EPHB1: variants seen among roughly 807,000 people sequenced by gnomAD.
EPHB1 encodes EPH receptor B1.
In EPHB1, 30 loss-of-function variants were observed where a neutral mutation model predicts 94.4. The ratio of observed to expected loss-of-function variants is 0.32; its 90% confidence interval spans 0.24 to 0.43. The LOEUF (loss-of-function observed/expected upper bound fraction) is 0.43, where lower values mean the gene tolerates loss of function less well. Ranked by LOEUF, EPHB1 falls within the 20% of genes least tolerant of loss-of-function variation. The pLI is 1.00. For synonymous variants in EPHB1, 522 were observed against 489.1 expected (o/e 1.07, Z -0.89); for missense variants, 1,055 against 1,308.3 (o/e 0.81, Z 2.99).
intron 3 of EPHB1, among the ~76,000 whole-genome samples, chr3:135,078,421 A>G (rs1414082412): frequency 2.0e-5 from 3 of 152,206 alleles, no homozygotes; most frequent in African/African-American, 7.2e-5. Context: ...AAGAAAGACC[A>G]GCTGCATACC....
intron 3 of EPHB1, among the ~76,000 whole-genome samples, chr3:134,996,686 T>C (rs1339726429): frequency 6.6e-6 from 1 of 152,160 alleles, no homozygotes; most frequent in Non-Finnish European, 1.5e-5. Context: ...ATTCTTTTGA[T>C]TATTTGTTAG....
chr3:135,128,068 G>T (rs541303908), intron 4 of EPHB1, among the ~76,000 whole-genome samples: 1 of 152,170 alleles, frequency 6.6e-6, no homozygotes, highest in Non-Finnish European at 1.5e-5. Context: ...GCTTCAAAAA[G>T]CCTGTCTGTA....
intron 10 of EPHB1, among the ~76,000 whole-genome samples, chr3:135,182,120 C>G (rs1455464942): frequency 1.3e-5 from 2 of 152,172 alleles, no homozygotes; most frequent in African/African-American, 4.8e-5. Flanking sequence ...CAATTTTTCT[C>G]CAGGTCCTTT....
intron 13 of EPHB1, among the ~76,000 whole-genome samples, chr3:135,243,966 C>T (rs1943856949): frequency 6.6e-6 from 1 of 152,126 alleles, no homozygotes; most frequent in South Asian, 2.1e-4. Flanking sequence ...CCTCCACTTC[C>T]CTCTCCCCAG....
chr3:134,857,583 C>T (rs2108302366), intron 1 of EPHB1, among the ~76,000 whole-genome samples: 1 of 152,082 alleles, frequency 6.6e-6, no homozygotes, highest in South Asian at 2.1e-4. Flanking sequence ...CTGGTGGGTA[C>T]TGTGGTTGAT....
At chr3:135,048,078 G>A (rs1001103132) in intron 3 of EPHB1, among the ~76,000 whole-genome samples, 1 of 152,020 alleles carries the variant, frequency 6.6e-6, no homozygotes, top group Non-Finnish European at 1.5e-5. Context: ...TGGAGTGATG[G>A]CTCAAAAAGG....
At chr3:134,810,791 G>A (rs894029804) in intron 1 of EPHB1, among the ~76,000 whole-genome samples, 1 of 152,162 alleles carries the variant, frequency 6.6e-6, no homozygotes, top group Non-Finnish European at 1.5e-5. Flanking sequence ...GGAGCAAAGG[G>A]TGGGAGTCTT....
intron 3 of EPHB1, among the ~76,000 whole-genome samples, chr3:135,063,703 C>A (rs1020828872): frequency 6.6e-6 from 1 of 152,160 alleles, no homozygotes; most frequent in Non-Finnish European, 1.5e-5. Flanking sequence ...TCTGATTGCT[C>A]TGGCTAGAAC....
rs555785686 is a variant in EPHB1, at chr3:134,922,365, T to G, written c.59-3451T>G. On this transcript the variant is annotated intron_variant, in intron 1 of 15. Coordinates refer to ENST00000398015, the MANE Select transcript of EPHB1 (RefSeq NM_004441.5). ...AGAAAAGAAACTGCCCTTCATCATA[T>G]GGAGTGGATGGTTTATGGTTTTGTG... Among the ~76,000 whole-genome samples, 91 of 152,310 alleles carry G rather than the reference T, an allele frequency of 6.0e-4. No individual in the cohort carries two copies. The South Asian group carries it at 9.5e-3, about 16-fold the overall frequency.
At chr3:134,878,200 T>C (rs897663532) in intron 1 of EPHB1, among the ~76,000 whole-genome samples, 1 of 152,244 alleles carries the variant, frequency 6.6e-6, no homozygotes, top group Non-Finnish European at 1.5e-5. Flanking sequence ...TTGTATGTTA[T>C]GAATTAAGAA....
intron 3 of EPHB1, among the ~76,000 whole-genome samples, chr3:135,085,823 C>T (rs1012202885): frequency 1.3e-5 from 2 of 152,210 alleles, no homozygotes; most frequent in East Asian, 1.9e-4. Flanking sequence ...TCTCTTCCCC[C>T]AGGGAGTGCT....
intron 9 of EPHB1, among the ~76,000 whole-genome samples, chr3:135,174,246 C>T (rs1037944724): frequency 2.6e-5 from 4 of 152,130 alleles, no homozygotes; most frequent in Non-Finnish European, 4.4e-5. Flanking sequence ...AATCCTAATG[C>T]CTCTGTTTGG....
intron 3 of EPHB1, among the ~76,000 whole-genome samples, chr3:135,063,163 A>T (rs1464071802): frequency 8.5e-5 from 13 of 152,050 alleles, no homozygotes; most frequent in Non-Finnish European, 1.6e-4. Flanking sequence ...TGCTTTGGGT[A>T]TGTGGGCTCT....
At chr3:135,182,072 TTCA>T (rs1367001732) in intron 10 of EPHB1, among the ~76,000 whole-genome samples, 1 of 152,190 alleles carries the variant, frequency 6.6e-6, no homozygotes, top group Non-Finnish European at 1.5e-5. Flanking sequence ...TATGCATAAC[TTCA>T]TGCAATTTTA....
At chr3:135,246,661 A>ATGGTT (rs1943932065) in intron 13 of EPHB1, among the ~76,000 whole-genome samples, 1 of 152,188 alleles carries the variant, frequency 6.6e-6, no homozygotes, top group Non-Finnish European at 1.5e-5. Flanking sequence ...TGGGGTTAAA[A>ATGGTT]TGGTTGTCCT....
At chr3:135,049,043 T>G (rs1460883554) in intron 3 of EPHB1, among the ~76,000 whole-genome samples, 1 of 152,162 alleles carries the variant, frequency 6.6e-6, no homozygotes, top group Non-Finnish European at 1.5e-5. Context: ...TCCACTGGCT[T>G]TTTTGGGATC....
chr3:135,104,736 A>T (rs930297416), intron 3 of EPHB1, among the ~76,000 whole-genome samples: 2 of 152,242 alleles, frequency 1.3e-5, no homozygotes, highest in Non-Finnish European at 2.9e-5. Flanking sequence ...AAGAACGTGG[A>T]TCCCATGGGA....
At chr3:135,175,944 A>T (rs1451991813) in intron 9 of EPHB1, among the ~76,000 whole-genome samples, 1 of 152,202 alleles carries the variant, frequency 6.6e-6, no homozygotes. Context: ...AAAACTGCTC[A>T]CTGGCAAGTG....
intron 3 of EPHB1, among the ~76,000 whole-genome samples, chr3:135,061,154 T>G (rs1460828077): frequency 6.6e-6 from 1 of 152,224 alleles, no homozygotes; most frequent in East Asian, 1.9e-4. Flanking sequence ...CATAGGTTAT[T>G]GGAGTACAGG....
Sources: gnomAD v4.1 joint callset for allele counts (sites outside exome capture counted in the v4.1 genomes callset) on GRCh38, gnomAD v4.1.1 for gene constraint, MANE v1.5 for transcripts, NCBI Gene and HGNC (gene_info 2026-07-23, HGNC 2026-07-21) for gene names.